F7: variants seen among roughly 807,000 people sequenced by gnomAD.
The protein encoded by F7 is coagulation factor VII, also known as FVII coagulation protein.
A neutral mutation model predicts 47.5 loss-of-function variants in F7; 38 were observed. That is an observed-to-expected ratio of 0.80 (90% CI 0.62 to 1.05). The LOEUF is 1.05. Ranked by LOEUF, F7 falls within the 50% of genes least tolerant of loss-of-function variation. The pLI, the probability that F7 is intolerant of heterozygous loss-of-function variation, is 0.00. For synonymous variants in F7, 244 were observed against 258.5 expected (o/e 0.94, Z 0.54); for missense variants, 575 against 605.4 (o/e 0.95, Z 0.53).
chr13:113,112,713 A>ACACC (rs78282997), intron 2 of F7, among the ~76,000 whole-genome samples: 1 of 142,576 alleles, frequency 7.0e-6, no homozygotes, highest in Non-Finnish European at 1.5e-5. Context: ...AGGTCACCTC[A>ACACC]CACAGGACAC....
At position 113,106,823 on chromosome 13, in the gene F7, C is replaced by A. The variant is rs757539001; in HGVS notation, c.64+918C>A. ...CTAGCTCACAGCATGGCCTTATGAC[C>A]CCGGCCACCTTCCTGCCCCAGGCGG... On this transcript the variant is annotated intron_variant, in intron 1 of 7. Transcript: ENST00000346342. 1.3e-5 allele frequency: 20 copies of A among 1,580,062 alleles called. No individual in the cohort carries two copies. In the Middle Eastern group the frequency reaches 2.0e-3, roughly 157 times the overall value.
rs749696440 is a variant in F7, at chr13:113,107,044, G to T, written c.64+1139G>T. ...CCCCCAAGGAGGGTGTTCCCTGCTC[G>T]AGAGGAAGTGACCGCTCCAGCTTGG... On this transcript the variant is annotated intron_variant, in intron 1 of 7. Transcript: ENST00000346342. 514 of 1,013,636 alleles carry T rather than the reference G, an allele frequency of 5.1e-4. 2 individuals are homozygous for T. Among genetic ancestry groups the T allele is most frequent in the Non-Finnish European group, 6.8e-4 (456 of 667,666 alleles). The allele number at this position is 1,013,636 out of a possible 1,614,324, so 62.8% of individuals were successfully genotyped here. A position where few individuals can be genotyped will look rare whatever the true frequency, so the allele number is the denominator to read the frequency against.
chr13:113,114,351 G>T (rs1412383393), intron 4 of F7, among the ~76,000 whole-genome samples: 2 of 151,204 alleles, frequency 1.3e-5, no homozygotes, highest in Non-Finnish European at 2.9e-5. Context: ...TTAACCATCT[G>T]AATATTAAAT....
chr13:113,112,818 C>T (rs1317358485), intron 2 of F7, among the ~76,000 whole-genome samples: 1 of 150,686 alleles, frequency 6.6e-6, no homozygotes, highest in African/African-American at 2.5e-5. Context: ...ACCTTACTCT[C>T]ACAGGACACC....
At chr13:113,112,443 C>T (rs1566907561) in intron 2 of F7, among the ~76,000 whole-genome samples, 1 of 148,402 alleles carries the variant, frequency 6.7e-6, no homozygotes, top group African/African-American at 2.5e-5. Context: ...TCACAGATCA[C>T]TTCATTCTCA....
chr13:113,115,835 C>A (rs182854845), intron 5 of F7, 35 bp downstream of exon 5: 1 of 1,612,522 alleles, frequency 6.2e-7, no homozygotes, highest in African/African-American at 1.3e-5. Context: ...CCAGATGACA[C>A]CAGTCCCTGT....
At chr13:113,107,028 A>G (rs2035974277) in intron 1 of F7, 1 of 1,192,160 alleles carries the variant, frequency 8.4e-7, no homozygotes, top group Non-Finnish European at 1.2e-6. Flanking sequence ...CCCCCCAAGG[A>G]GGGTGTTCCC....
Position 113,105,805 on chromosome 13 carries a change from T to C in F7, c.-37T>C, listed in dbSNP as rs1239421360. 5.1e-6 allele frequency: 8 copies of C among 1,567,778 alleles called. No homozygotes were observed. The East Asian group carries it at 6.9e-5, about 13-fold the overall frequency. ...CTTTGCCCGTCAGTCCCATGGGGAA[T>C]GTCAACAGGCAGGGGCAGCACTGCA... On this transcript the variant is annotated 5_prime_UTR_variant, in exon 1 of 8. It removes an upstream start codon present in the reference 5' UTR. Coordinates refer to ENST00000346342, the MANE Select transcript of F7 (RefSeq NM_019616.4).
intron 1 of F7, among the ~76,000 whole-genome samples, chr13:113,107,936 G>A (rs2036000540): frequency 1.0e-5 from 1 of 97,058 alleles, no homozygotes; most frequent in African/African-American, 3.6e-5. Flanking sequence ...GGTGTCCCGG[G>A]GGTGTGGGTG....
chr13:113,117,393 C>T, intron 6 of F7, 80 bp from the exon 7 acceptor site: 4 of 1,594,494 alleles, frequency 2.5e-6, no homozygotes, highest in Non-Finnish European at 3.4e-6. Flanking sequence ...CCAGAGGTTC[C>T]TTGGCATGCC....
chr13:113,118,806 G>A lies in F7; in HGVS notation c.1133G>A (p.Cys378Tyr). ...AGYSDGSKDS[C>Y]KGDSGGPHAT... ...TACTCGGATGGCAGCAAGGACTCCTGCAAGGGGGACAGTGGAGGCCCACAT... is the reference window on the plus strand; with the variant it reads ...TACTCGGATGGCAGCAAGGACTCCTACAAGGGGGACAGTGGAGGCCCACAT... The change falls in exon 8 of 8, where the codon TGC becomes TAC. Residue 378 changes from cysteine to tyrosine, a missense_variant. Transcript: ENST00000346342. The A allele has an allele frequency of 6.2e-7, 1 of 1,613,178 alleles. No homozygotes were observed. The highest frequency in any genetic ancestry group is 8.5e-7 in the Non-Finnish European group (1 of 1,180,008).
At position 113,118,436 on chromosome 13, in the gene F7, G is replaced by A. The variant is rs550074221; in HGVS notation, c.763G>A (p.Asp255Asn). ...VLGEHDLSEH[D>N]GDEQSRRVAQ... ...AGGCGAGCACGACCTCAGCGAGCAC[G>A]ACGGGGATGAGCAGAGCCGGCGGGT... The change falls in exon 8 of 8, where the codon GAC (aspartate) becomes AAC (asparagine). Residue 255 changes from aspartate to asparagine, a missense_variant. Coordinates refer to ENST00000346342, the MANE Select transcript of F7 (RefSeq NM_019616.4). 39 of 1,602,458 alleles carry A rather than the reference G, an allele frequency of 2.4e-5. No individual in the cohort carries two copies. Among genetic ancestry groups the A allele is most frequent in the South Asian group, 3.3e-5 (3 of 90,754 alleles).
chr13:113,109,029 A>C (rs550634495), intron 1 of F7, among the ~76,000 whole-genome samples: 4 of 3,542 alleles, frequency 1.1e-3, no homozygotes, highest in Admixed American at 7.6e-3. Context: ...GTCCCGGGGG[A>C]GTGGATGTCC....
chr13:113,119,727 GCA>G lies in F7; in HGVS notation c.*727_*728del, dbSNP rs1223522303. On this transcript the variant is annotated 3_prime_UTR_variant, in exon 8 of 8. Coordinates refer to ENST00000346342, the MANE Select transcript of F7 (RefSeq NM_019616.4). ...TGGATGAGCACACACACACCAATGC[GCA>G]CACACACCGATGTACACACACAGAT... 6.6e-6 allele frequency: 1 copy of G among 151,472 alleles called. No individual in the cohort carries two copies. The highest frequency in any genetic ancestry group is 2.5e-5 in the African/African-American group (1 of 40,774). 9.4% of individuals were successfully genotyped at this position (151,472 alleles called of 1,614,324 possible).
Position 113,115,642 on chromosome 13 carries a change from T to TCCCGTTCCTGTC in F7, c.365-15_365-14insGTTCCTGTCCCC. 1 of 1,611,518 alleles carries TCCCGTTCCTGTC rather than the reference T, an allele frequency of 6.2e-7. No individual in the cohort carries two copies. Among genetic ancestry groups the TCCCGTTCCTGTC allele is most frequent in the South Asian group, 1.1e-5 (1 of 90,744 alleles). ...ACCCCCAGAAGCCCCTCTCAGGGTGTCCCCTTCCTGTCCCCAGACAAGGAT... is the reference window on the plus strand; with the variant it reads ...ACCCCCAGAAGCCCCTCTCAGGGTGTCCCGTTCCTGTCCCCCTTCCTGTCCCCAGACAAGGAT... On this transcript the variant is annotated splice_polypyrimidine_tract_variant and intron_variant, in intron 4 of 7. Coordinates refer to ENST00000346342, the MANE Select transcript of F7 (RefSeq NM_019616.4).
rs763211646 is a variant in F7, at chr13:113,117,464, C to T, written c.616-9C>T. 15 of 1,613,806 alleles carry T rather than the reference C, an allele frequency of 9.3e-6. No homozygotes were observed. Among genetic ancestry groups the T allele is most frequent in the Non-Finnish European group, 1.3e-5 (15 of 1,179,712 alleles). ...ATGTGACTTCCACACCTCCTGTCCC[C>T]CCGCCCAGGTCCTGTTGTTGGTGAA... is the stretch of plus-strand genomic sequence containing the variant. On this transcript the variant is annotated splice_polypyrimidine_tract_variant and intron_variant, in intron 6 of 7. Transcript: ENST00000346342.
At chr13:113,110,909 C>A in intron 2 of F7, 59 bp downstream of exon 2, 4 of 1,521,720 alleles carry the variant, frequency 2.6e-6, no homozygotes, top group Non-Finnish European at 2.7e-6. Flanking sequence ...GTGAACCAGG[C>A]CGCGTGGGGC....
intron 1 of F7, 48 bp from the exon 2 acceptor site, chr13:113,110,642 A>G (rs775210732): frequency 8.4e-6 from 13 of 1,546,034 alleles, no homozygotes; most frequent in Non-Finnish European, 9.6e-6. Context: ...TCTCCGAGGC[A>G]CTGGGCGGGG....
Position 113,119,104 on chromosome 13 carries a change from G to T in F7, c.*96G>T. 4.5e-6 allele frequency: 4 copies of T among 897,194 alleles called. No individual in the cohort carries two copies. Among genetic ancestry groups the T allele is most frequent in the Non-Finnish European group, 6.8e-6 (4 of 589,378 alleles). 55.6% of individuals were successfully genotyped at this position (897,194 alleles called of 1,614,324 possible). ...TTCTTCTGCAGTTAATGGGGTAGAGGAGGGCATGGGAGGGAGGGAGAGGTG... is the reference window on the plus strand; with the variant it reads ...TTCTTCTGCAGTTAATGGGGTAGAGTAGGGCATGGGAGGGAGGGAGAGGTG... On this transcript the variant is annotated 3_prime_UTR_variant, in exon 8 of 8. Coordinates refer to ENST00000346342, the MANE Select transcript of F7 (RefSeq NM_019616.4).
Sources: gnomAD v4.1 joint callset for allele counts (sites outside exome capture counted in the v4.1 genomes callset) on GRCh38, gnomAD v4.1.1 for gene constraint, MANE v1.5 for transcripts, NCBI Gene and HGNC (gene_info 2026-07-23, HGNC 2026-07-21) for gene names.